The following PCDHGA12 variants were observed in gnomAD, a reference collection of about 807,000 sequenced individuals.
PCDHGA12 encodes protocadherin gamma subfamily A, 12, also known as protocadherin gamma-A12.
A neutral mutation model predicts 61.1 loss-of-function variants in PCDHGA12; 43 were observed. The observed-to-expected ratio is 0.70, with a 90% confidence interval of 0.55 to 0.91. The LOEUF is 0.91. PCDHGA12 is among the 40% of genes least tolerant of loss of function. The probability of loss-of-function intolerance (pLI) is 0.00; values close to 1 mark genes in which losing one functional copy is unlikely to be tolerated. For missense variants in PCDHGA12, 1,236 were observed against 1,227.7 expected, an observed-to-expected ratio of 1.01 and a Z score of -0.10; for synonymous variants, 520 against 542.9, an observed-to-expected ratio of 0.96 and a Z score of 0.59.
rs1371087184 is a variant in PCDHGA12, at chr5:141,433,062, T to G, written c.2303T>G (p.Leu768Arg). ...ACCACGGACTCGCGGAAGAGTCACC[T>G]GATCTTCCCCCAGCCCAACTATGCA... ...SLTTDSRKSH[L>R]IFPQPNYADM... Residue 768 changes from leucine (L) to arginine (R), a missense_variant, in exon 1 of 4, where the codon CTG becomes CGG. Coordinates refer to ENST00000252085, the MANE Select transcript of PCDHGA12 (RefSeq NM_003735.3). The G allele has an allele frequency of 6.2e-7, 1 of 1,614,074 alleles. No individual in the cohort carries two copies. The highest frequency in any genetic ancestry group is 8.5e-7 in the Non-Finnish European group (1 of 1,180,038).
Position 141,447,434 on chromosome 5 carries a change from G to A in PCDHGA12, c.2424+14251G>A, listed in dbSNP as rs114249648. ...ATTACAGGCGTGAGCCACCGCACCC[G>A]GAGGAAATTTTTAACCTCAGTTTTT... On this transcript the variant is annotated intron_variant, in intron 1 of 3. Transcript: ENST00000252085. 2.8e-3 allele frequency among the ~76,000 whole-genome samples: 425 copies of A among 152,164 alleles called. 1 individual carries two copies. The highest frequency in any genetic ancestry group is 9.5e-3 in the African/African-American group (394 of 41,546).
At chr5:141,454,685 C>A (rs1305853379) in intron 1 of PCDHGA12, among the ~76,000 whole-genome samples, 1 of 151,844 alleles carries the variant, frequency 6.6e-6, no homozygotes, top group Non-Finnish European at 1.5e-5. Context: ...GGATTACAGG[C>A]ATGAGCCACC....
chr5:141,455,143 T>C (rs984886337), intron 1 of PCDHGA12, among the ~76,000 whole-genome samples: 1 of 149,894 alleles, frequency 6.7e-6, no homozygotes, highest in Non-Finnish European at 1.5e-5. Flanking sequence ...CTGTGTTAAA[T>C]AAATATTAGT....
intron 1 of PCDHGA12, among the ~76,000 whole-genome samples, chr5:141,473,915 A>G (rs1366378437): frequency 3.3e-5 from 5 of 152,162 alleles, no homozygotes; most frequent in Non-Finnish European, 5.9e-5. Flanking sequence ...GTCTTAAGAA[A>G]ACTATGAGCT....
At position 141,477,020 on chromosome 5, in the gene PCDHGA12, G is replaced by A; in HGVS notation, c.2425-17787G>A. The A allele has an allele frequency of 6.2e-7, 1 of 1,614,224 alleles. No individual in the cohort carries two copies. Among genetic ancestry groups the A allele is most frequent in the Non-Finnish European group, 8.5e-7 (1 of 1,180,048 alleles). ...ACTATTCGCCTTAGACCTTGTAACC[G>A]GGATGCTGACAATCAAGGGTCGGCT... On this transcript the variant is annotated intron_variant, in intron 1 of 3. Transcript: ENST00000252085. This position sits in a 1 kb window ranked among gnomAD's most constrained non-coding sequence, Gnocchi z 4.9.
At chr5:141,473,270 T>C (rs538574742) in intron 1 of PCDHGA12, among the ~76,000 whole-genome samples, 4 of 152,326 alleles carry the variant, frequency 2.6e-5, no homozygotes, top group African/African-American at 9.6e-5. Context: ...GTGTATGCTA[T>C]GATTATTTTA....
At chr5:141,510,580 G>A (rs947369646) in intron 3 of PCDHGA12, among the ~76,000 whole-genome samples, 7 of 152,248 alleles carry the variant, frequency 4.6e-5, no homozygotes, top group South Asian at 2.1e-4. Flanking sequence ...ACTATTTTAC[G>A]TACCTGACAT....
At position 141,511,916 on chromosome 5, in the gene PCDHGA12, C is replaced by T. The variant is rs2099884006; in HGVS notation, c.*743C>T. ...CCACCTCCTCCTCAAACAAGAGACT[C>T]CACTGCATGTTCCAAGACAGTATGG... On this transcript the variant is annotated 3_prime_UTR_variant, in exon 4 of 4. Coordinates refer to ENST00000252085, the MANE Select transcript of PCDHGA12 (RefSeq NM_003735.3). The T allele has an allele frequency of 6.4e-6, 1 of 156,466 alleles. No individual in the cohort carries two copies. The highest frequency in any genetic ancestry group is 2.4e-5 in the African/African-American group (1 of 41,474). The allele number at this position is 156,466 out of a possible 1,614,324, so 9.7% of individuals were successfully genotyped here.
intron 2 of PCDHGA12, 80 bp downstream of exon 2, chr5:141,494,945 C>G (rs2099757788): frequency 6.2e-7 from 1 of 1,608,958 alleles, no homozygotes; most frequent in Non-Finnish European, 8.5e-7. Flanking sequence ...GGGGGAGGGC[C>G]CAGCATTTGC....
rs367578838 is a variant in PCDHGA12, at chr5:141,432,537, C to A, written c.1778C>A (p.Ala593Glu). The A allele has an allele frequency of 5.0e-6, 8 of 1,613,882 alleles. No individual in the cohort carries two copies. Among genetic ancestry groups the A allele is most frequent in the African/African-American group, 1.3e-5 (1 of 74,922 alleles). Reference protein sequence around the residue: ...EPGYLVTKVVAVDRDSGQNAW... With the variant: ...EPGYLVTKVVEVDRDSGQNAW... Reference sequence around the variant, plus strand: ...GGCTACCTGGTGACCAAGGTGGTGGCGGTGGACAGAGACTCCGGCCAGAAC... The same window carrying A: ...GGCTACCTGGTGACCAAGGTGGTGGAGGTGGACAGAGACTCCGGCCAGAAC... The change falls in exon 1 of 4, where the codon GCG becomes GAG. Residue 593 changes from alanine to glutamate, a missense_variant. Coordinates refer to ENST00000252085, the MANE Select transcript of PCDHGA12 (RefSeq NM_003735.3). This position sits in a 1 kb window ranked among gnomAD's most constrained non-coding sequence, Gnocchi z 6.0.
At chr5:141,436,305 T>C (rs2097810667) in intron 1 of PCDHGA12, among the ~76,000 whole-genome samples, 1 of 152,184 alleles carries the variant, frequency 6.6e-6, no homozygotes. Flanking sequence ...AGTTAGAGCA[T>C]GAATAGTCAA....
intron 1 of PCDHGA12, chr5:141,478,576 G>T (rs543160289): frequency 5.0e-6 from 8 of 1,585,598 alleles, no homozygotes; most frequent in Non-Finnish European, 6.9e-6. Flanking sequence ...GCTTGACCCT[G>T]TTAGTGCTTT....
At chr5:141,498,709 A>G (rs1245852373) in intron 2 of PCDHGA12, among the ~76,000 whole-genome samples, 2 of 152,148 alleles carry the variant, frequency 1.3e-5, no homozygotes, top group African/African-American at 4.8e-5. Context: ...AGGTGGGTGG[A>G]TCACCTGAGG....
In PCDHGA12 at chr5:141,476,264, G is replaced by A. The variant is rs753184649; in HGVS notation, c.2425-18543G>A. The A allele has an allele frequency of 2.5e-6, 4 of 1,614,082 alleles. No individual in the cohort carries two copies. The highest frequency in any genetic ancestry group is 3.4e-6 in the Non-Finnish European group (4 of 1,180,010). Reference sequence around the variant, plus strand: ...AGAGAAGGGTTTCGCTGTGGGCAACGTGGTCGCGAACCTTGGTTTGGATCT... The same window carrying A: ...AGAGAAGGGTTTCGCTGTGGGCAACATGGTCGCGAACCTTGGTTTGGATCT... On this transcript the variant is annotated intron_variant, in intron 1 of 3. Coordinates refer to ENST00000252085, the MANE Select transcript of PCDHGA12 (RefSeq NM_003735.3). The surrounding 1 kb of genome is among the most constrained non-coding windows in gnomAD (Gnocchi z 7.6).
Position 141,436,047 on chromosome 5 carries a change from T to G in PCDHGA12, c.2424+2864T>G, listed in dbSNP as rs141900903. On this transcript the variant is annotated intron_variant, in intron 1 of 3. Transcript: ENST00000252085. ...ATACTAAATTTGTATTTACATTAGT[T>G]TTCAAATAGAATTTAATAAGTACAG... is the stretch of plus-strand genomic sequence containing the variant. Among the ~76,000 whole-genome samples the G allele has an allele frequency of 1.0e-2, 1,517 of 152,280 alleles. 31 individuals carry two copies. The highest frequency in any genetic ancestry group is 0.034 in the African/African-American group (1,420 of 41,552).
Position 141,491,994 on chromosome 5 carries a change from C to T in PCDHGA12, c.2425-2813C>T. On this transcript the variant is annotated intron_variant, in intron 1 of 3. Transcript: ENST00000252085. This position sits in a 1 kb window ranked among gnomAD's most constrained non-coding sequence, Gnocchi z 6.9. ...CCTCCTTCGAGCTTCCGGTGAATTT[C>T]GGGCGATTTCCGCGGGTGTCGGGGG... The T allele has an allele frequency of 4.3e-6, 3 of 693,016 alleles. No individual in the cohort carries two copies. The allele number at this position is 693,016 out of a possible 1,614,324, so 42.9% of individuals were successfully genotyped here.
At chr5:141,467,920 A>G (rs1244280087) in intron 1 of PCDHGA12, among the ~76,000 whole-genome samples, 1 of 152,124 alleles carries the variant, frequency 6.6e-6, no homozygotes, top group Non-Finnish European at 1.5e-5. Flanking sequence ...CAGCCTCCCA[A>G]AATGCTAGGA....
Position 141,489,857 on chromosome 5 carries a change from C to T in PCDHGA12, c.2425-4950C>T. 2 of 1,614,166 alleles carry T rather than the reference C, an allele frequency of 1.2e-6. No individual in the cohort carries two copies. On this transcript the variant is annotated intron_variant, in intron 1 of 3. Coordinates refer to ENST00000252085, the MANE Select transcript of PCDHGA12 (RefSeq NM_003735.3). This position sits in a 1 kb window ranked among gnomAD's most constrained non-coding sequence, Gnocchi z 4.5. ...CAGCAGCTGGATCGTGAAGCCCAGGCAAGACATCAGCTGGTGCTTACTGCT... is the reference window on the plus strand; with the variant it reads ...CAGCAGCTGGATCGTGAAGCCCAGGTAAGACATCAGCTGGTGCTTACTGCT...
intron 2 of PCDHGA12, among the ~76,000 whole-genome samples, chr5:141,497,621 C>T (rs769483223): frequency 7.3e-5 from 11 of 151,482 alleles, no homozygotes; most frequent in Non-Finnish European, 1.3e-4. Flanking sequence ...CTCACTGCAA[C>T]CTCTGCCTGC....
Sources: allele counts gnomAD v4.1 joint callset (sites outside exome capture counted in the v4.1 genomes callset), GRCh38; gene constraint gnomAD v4.1.1; non-coding constraint Gnocchi (gnomAD v3.1); transcripts MANE v1.5; gene names NCBI Gene and HGNC (gene_info 2026-07-23, HGNC 2026-07-21).